Variants in CDK14 observed in about 807,000 individuals in gnomAD.
The protein encoded by CDK14 is cyclin dependent kinase 14, also known as cyclin-dependent kinase 14.
A neutral mutation model predicts 60.7 loss-of-function variants in CDK14; 34 were observed. The ratio of observed to expected loss-of-function variants is 0.56; its 90% CI spans 0.43 to 0.75. The LOEUF (loss-of-function observed/expected upper bound fraction) is 0.75, where lower values mean the gene tolerates loss of function less well. CDK14 is among the 30% of genes least tolerant of loss of function. CDK14 has a pLI of 0.00. For missense variants in CDK14, 482 were observed against 564.1 expected (o/e 0.85, Z 1.47); for synonymous variants, 197 against 203.7 (o/e 0.97, Z 0.28).
Position 91,088,740 on chromosome 7 carries a change from CAA to C in CDK14, c.1154+9261_1154+9262del, listed in dbSNP as rs1798714893. On this transcript the variant is annotated intron_variant, in intron 12 of 14. Transcript: ENST00000380050. ...TAGTCCTCAGCTGTATTTAATCCCT[CAA>C]GACTTGATATACAAACATAATGCCA... Among the ~76,000 whole-genome samples, 2 of 152,128 alleles carry C rather than the reference CAA, an allele frequency of 1.3e-5. 1 individual carries two copies. The highest frequency in any genetic ancestry group is 1.3e-4 in the Admixed American group (2 of 15,266).
intron 10 of CDK14, among the ~76,000 whole-genome samples, chr7:91,034,505 G>T (rs1281748031): frequency 6.6e-6 from 1 of 152,008 alleles, no homozygotes; most frequent in Non-Finnish European, 1.5e-5. Context: ...TTTTCTGTGT[G>T]TGTGTTGCTT....
intron 11 of CDK14, among the ~76,000 whole-genome samples, chr7:91,050,306 A>G (rs920254656): frequency 9.2e-5 from 14 of 152,202 alleles, no homozygotes; most frequent in African/African-American, 3.1e-4. Flanking sequence ...TTAGGAGGCT[A>G]TAACAGGAAT....
chr7:90,880,203 A>G (rs1791700905), intron 6 of CDK14, among the ~76,000 whole-genome samples: 1 of 152,228 alleles, frequency 6.6e-6, no homozygotes, highest in South Asian at 2.1e-4. Flanking sequence ...TCCCTGGGCA[A>G]GGGAAGGGTG....
chr7:91,147,461 C>T (rs1800689794), intron 14 of CDK14, among the ~76,000 whole-genome samples: 1 of 152,122 alleles, frequency 6.6e-6, no homozygotes, highest in Non-Finnish European at 1.5e-5. Context: ...TCCCCAGCCC[C>T]ATGTTAACTC....
intron 10 of CDK14, among the ~76,000 whole-genome samples, chr7:91,007,947 A>G (rs921844436): frequency 6.6e-6 from 1 of 151,956 alleles, no homozygotes; most frequent in Non-Finnish European, 1.5e-5. Context: ...TAGATACTCC[A>G]TGTAAGAGTT....
At position 90,876,476 on chromosome 7, in the gene CDK14, G is replaced by A. The variant is rs1477517347; in HGVS notation, c.639+13207G>A. 3.9e-5 allele frequency among the ~76,000 whole-genome samples: 6 copies of A among 152,328 alleles called. No individual in the cohort carries two copies. The South Asian group carries it at 6.2e-4, about 16-fold the overall frequency. Reference sequence around the variant, plus strand: ...AAAAGATTGTCAACCAATATTCCATGTTTTCGACTTCCATATATAGACTTT... The same window carrying A: ...AAAAGATTGTCAACCAATATTCCATATTTTCGACTTCCATATATAGACTTT... On this transcript the variant is annotated intron_variant, in intron 6 of 14. Coordinates refer to ENST00000380050, the MANE Select transcript of CDK14 (RefSeq NM_001287135.2).
intron 8 of CDK14, among the ~76,000 whole-genome samples, chr7:90,922,290 A>C (rs1447366594): frequency 6.6e-6 from 1 of 152,208 alleles, no homozygotes; most frequent in East Asian, 1.9e-4. Context: ...GCATCAATCT[A>C]CTTCTAAAAG....
chr7:91,058,077 T>C (rs1240101932), intron 11 of CDK14, among the ~76,000 whole-genome samples: 1 of 152,138 alleles, frequency 6.6e-6, no homozygotes, highest in Non-Finnish European at 1.5e-5. Flanking sequence ...CCTCTTTTAT[T>C]TCGTTGAGCA....
At chr7:90,802,695 G>C (rs1326716767) in intron 5 of CDK14, among the ~76,000 whole-genome samples, 1 of 151,850 alleles carries the variant, frequency 6.6e-6, no homozygotes. Flanking sequence ...AGGCTTCTTG[G>C]GACATTATAT....
intron 9 of CDK14, among the ~76,000 whole-genome samples, chr7:90,965,456 C>G (rs534756710): frequency 1.6e-4 from 24 of 152,320 alleles, no homozygotes; most frequent in Admixed American, 1.5e-3. Context: ...TCCCATAGCA[C>G]TAGTTGTCAG....
chr7:90,973,319 C>T (rs1794980240), intron 9 of CDK14, among the ~76,000 whole-genome samples: 1 of 152,086 alleles, frequency 6.6e-6, no homozygotes, highest in Admixed American at 6.6e-5. Context: ...GTCATTGTTC[C>T]TGCTGCACAT....
intron 2 of CDK14, among the ~76,000 whole-genome samples, chr7:90,620,687 CCT>C (rs1799747148): frequency 6.6e-6 from 1 of 152,120 alleles, no homozygotes; most frequent in African/African-American, 2.4e-5. Context: ...CTGGGCTGTG[CCT>C]CTCAAAGCAT....
chr7:91,099,796 A>G (rs1311986766), intron 12 of CDK14, among the ~76,000 whole-genome samples: 2 of 152,132 alleles, frequency 1.3e-5, no homozygotes, highest in Non-Finnish European at 2.9e-5. Context: ...AGTGCTTATT[A>G]TAGATAGGCT....
chr7:90,854,217 C>A (rs1451472801), intron 5 of CDK14, among the ~76,000 whole-genome samples: 5 of 152,090 alleles, frequency 3.3e-5, no homozygotes, highest in African/African-American at 1.2e-4. Flanking sequence ...TGATTTAAAT[C>A]TATTCAGACA....
chr7:90,898,332 A>T (rs1036997456), intron 6 of CDK14, among the ~76,000 whole-genome samples: 1 of 152,132 alleles, frequency 6.6e-6, no homozygotes, highest in African/African-American at 2.4e-5. Context: ...TCTGCATTGT[A>T]TCCTCAGCAA....
At chr7:90,637,527 C>G (rs527976829) in intron 2 of CDK14, among the ~76,000 whole-genome samples, 35 of 152,000 alleles carry the variant, frequency 2.3e-4, no homozygotes, top group African/African-American at 7.0e-4. Context: ...TGTTCTTTTA[C>G]ATTTGCTGAG....
At chr7:91,029,333 TA>T (rs768146030) in intron 10 of CDK14, among the ~76,000 whole-genome samples, 1 of 152,170 alleles carries the variant, frequency 6.6e-6, no homozygotes, top group Non-Finnish European at 1.5e-5. Context: ...ATTGTAGGAT[TA>T]TTTTTTCTAA....
intron 5 of CDK14, among the ~76,000 whole-genome samples, chr7:90,820,154 A>G (rs1011632002): frequency 6.6e-6 from 1 of 152,166 alleles, no homozygotes; most frequent in Non-Finnish European, 1.5e-5. Context: ...TAGTATGAGT[A>G]TGACCCTTGC....
At chr7:91,108,974 T>A (rs1214186101) in intron 12 of CDK14, among the ~76,000 whole-genome samples, 1 of 152,224 alleles carries the variant, frequency 6.6e-6, no homozygotes, top group African/African-American at 2.4e-5. Flanking sequence ...TTAGGACATA[T>A]GCTCTTTAGT....
Sources: allele counts gnomAD v4.1 joint callset (sites outside exome capture counted in the v4.1 genomes callset), GRCh38; gene constraint gnomAD v4.1.1; transcripts MANE v1.5; gene names NCBI Gene and HGNC (gene_info 2026-07-23, HGNC 2026-07-21).